The following TMEM244 variants were observed in gnomAD, a reference collection of about 807,000 sequenced individuals.
TMEM244 encodes transmembrane protein 244.
A neutral mutation model predicts 15.8 loss-of-function variants in TMEM244; 13 were observed. The observed-to-expected ratio is 0.82, with a 90% CI of 0.53 to 1.30. TMEM244 has a LOEUF of 1.30. Ranked by LOEUF, TMEM244 falls within the 50% of genes most tolerant of loss-of-function variation. The probability of loss-of-function intolerance (pLI) is 0.00; values close to 1 mark genes in which losing one functional copy is unlikely to be tolerated. For synonymous variants in TMEM244, 45 were observed against 48.7 expected (o/e 0.92, Z 0.32); for missense variants, 161 against 144.9 (o/e 1.11, Z -0.57).
At chr6:129,834,380 CT>C (rs1477945494) in intron 3 of TMEM244, among the ~76,000 whole-genome samples, 1 of 152,194 alleles carries the variant, frequency 6.6e-6, no homozygotes, top group Non-Finnish European at 1.5e-5. Context: ...ACCAAGGTCC[CT>C]TTGTAAATGA....
At chr6:129,856,742 A>C (rs1735557388) in intron 1 of TMEM244, among the ~76,000 whole-genome samples, 1 of 151,812 alleles carries the variant, frequency 6.6e-6, no homozygotes, top group African/African-American at 2.4e-5. Context: ...TTATTTTTTC[A>C]TATAAACTTC....
At chr6:129,837,909 C>T (rs558386007) in intron 3 of TMEM244, among the ~76,000 whole-genome samples, 6 of 152,292 alleles carry the variant, frequency 3.9e-5, no homozygotes, top group South Asian at 4.1e-4. Flanking sequence ...TAGGAGCATT[C>T]GGATTAATAA....
chr6:129,858,896 G>A (rs1346335955), intron 1 of TMEM244, among the ~76,000 whole-genome samples: 2 of 151,940 alleles, frequency 1.3e-5, no homozygotes, highest in African/African-American at 4.8e-5. Flanking sequence ...CGGCTTCAAG[G>A]AATTCTCTTG....
At position 129,838,795 on chromosome 6, in the gene TMEM244, A is replaced by G. The variant is rs555095882; in HGVS notation, c.193+4735T>C. Among the ~76,000 whole-genome samples, 20 of 152,350 alleles carry G rather than the reference A, an allele frequency of 1.3e-4. No individual in the cohort carries two copies. In the South Asian group the frequency reaches 4.1e-3, roughly 32 times the overall value. ...ACAAACTACCATCAGAGAATATTAT[A>G]AACACCTCTGTGCAAATAAACTAGA... is the stretch of plus-strand genomic sequence containing the variant. On this transcript the variant is annotated intron_variant, in intron 3 of 4. Coordinates refer to ENST00000368143, the MANE Select transcript of TMEM244 (RefSeq NM_001010876.2).
chr6:129,843,890 G>A (rs1365718337), intron 2 of TMEM244, among the ~76,000 whole-genome samples: 1 of 152,150 alleles, frequency 6.6e-6, no homozygotes, highest in Non-Finnish European at 1.5e-5. Flanking sequence ...CGGTATAAAG[G>A]TAACAAGGGA....
chr6:129,836,271 C>G (rs1447741208), intron 3 of TMEM244, among the ~76,000 whole-genome samples: 1 of 152,138 alleles, frequency 6.6e-6, no homozygotes, highest in Non-Finnish European at 1.5e-5. Flanking sequence ...GATACCTAGG[C>G]AAACAGGGTC....
chr6:129,843,269 T>C (rs1776515698), intron 3 of TMEM244, among the ~76,000 whole-genome samples: 1 of 152,058 alleles, frequency 6.6e-6, no homozygotes, highest in African/African-American at 2.4e-5. Context: ...TCAACAAAAA[T>C]TTACCCCCAA....
rs563307023 is a variant in TMEM244, at chr6:129,836,347, C to T, written c.194-2762G>A. Among the ~76,000 whole-genome samples, 48 of 152,216 alleles carry T rather than the reference C, an allele frequency of 3.2e-4. No homozygotes were observed. In the South Asian group the frequency reaches 3.5e-3, roughly 11 times the overall value. On this transcript the variant is annotated intron_variant, in intron 3 of 4. Transcript: ENST00000368143. ...AGGGGTCTGACTGTTAGAGGGAAAA[C>T]TAACAAACAGAAAAAAATAGCAACA...
intron 1 of TMEM244, among the ~76,000 whole-genome samples, chr6:129,850,023 A>T (rs1230796894): frequency 6.6e-6 from 1 of 152,198 alleles, no homozygotes; most frequent in Non-Finnish European, 1.5e-5. Context: ...TGAGTGGTAG[A>T]ATCCTTTTTT....
At chr6:129,860,517 T>C (rs1776792535) in intron 1 of TMEM244, among the ~76,000 whole-genome samples, 1 of 152,152 alleles carries the variant, frequency 6.6e-6, no homozygotes, top group South Asian at 2.1e-4. Flanking sequence ...ATAATTGTAA[T>C]TTAATTTTTA....
intron 1 of TMEM244, 78 bp downstream of exon 1, chr6:129,861,078 C>A (rs1776801692): frequency 1.3e-6 from 2 of 1,509,330 alleles, no homozygotes; most frequent in South Asian, 1.1e-5. Context: ...GACAGAGAGG[C>A]CATTTATAGA....
At chr6:129,843,774 A>G (rs1342586209) in intron 2 of TMEM244, among the ~76,000 whole-genome samples, 171 bp from the exon 3 acceptor site, 1 of 152,216 alleles carries the variant, frequency 6.6e-6, no homozygotes, top group Non-Finnish European at 1.5e-5. Context: ...TGAAGATAAT[A>G]ATCTCTATAG....
intron 1 of TMEM244, among the ~76,000 whole-genome samples, chr6:129,858,276 T>C (rs573752791): frequency 3.3e-5 from 5 of 152,294 alleles, no homozygotes; most frequent in African/African-American, 9.6e-5. Flanking sequence ...ACTCAAATGA[T>C]TTAAGTAGCA....
At chr6:129,835,660 C>G (rs1190087563) in intron 3 of TMEM244, among the ~76,000 whole-genome samples, 4 of 152,128 alleles carry the variant, frequency 2.6e-5, no homozygotes, top group Non-Finnish European at 5.9e-5. Context: ...CTAAGGGAAG[C>G]CATGACAGAC....
chr6:129,853,570 C>T (rs1210278817), intron 1 of TMEM244, among the ~76,000 whole-genome samples: 1 of 151,950 alleles, frequency 6.6e-6, no homozygotes, highest in African/African-American at 2.4e-5. Context: ...TTTCAGAAAA[C>T]GGTCTGCTAC....
intron 3 of TMEM244, among the ~76,000 whole-genome samples, chr6:129,836,160 G>A (rs1408732661): frequency 6.6e-6 from 1 of 152,128 alleles, no homozygotes; most frequent in African/African-American, 2.4e-5. Context: ...CCTCCCAGTA[G>A]GGGCCGACAG....
intron 4 of TMEM244, among the ~76,000 whole-genome samples, chr6:129,832,451 A>T (rs1456118621): frequency 6.6e-6 from 1 of 152,176 alleles, no homozygotes; most frequent in Admixed American, 6.5e-5. Context: ...ACAGTGATTT[A>T]TATGACAGTC....
intron 3 of TMEM244, among the ~76,000 whole-genome samples, chr6:129,839,484 C>G (rs968648920): frequency 1.3e-5 from 2 of 152,148 alleles, no homozygotes; most frequent in African/African-American, 4.8e-5. Flanking sequence ...ACTGAATGGG[C>G]AAAAACTGGA....
At chr6:129,841,836 CA>C (rs1373068070) in intron 3 of TMEM244, among the ~76,000 whole-genome samples, 17 of 152,104 alleles carry the variant, frequency 1.1e-4, no homozygotes, top group African/African-American at 3.9e-4. Flanking sequence ...GAAACCTACA[CA>C]AAACCTGACC....
Sources: allele counts gnomAD v4.1 joint callset (sites outside exome capture counted in the v4.1 genomes callset), GRCh38; gene constraint gnomAD v4.1.1; transcripts MANE v1.5; gene names NCBI Gene and HGNC (gene_info 2026-07-23, HGNC 2026-07-21).